Variants in CYB5D2 observed in about 807,000 individuals in gnomAD.
CYB5D2 encodes the protein neuferricin.
CYB5D2 carries 23 observed loss-of-function variants against 22.8 expected under a neutral mutation model. The observed-to-expected ratio is 1.01, with a 90% CI of 0.73 to 1.43. CYB5D2 has a LOEUF of 1.43. Among genes scored for constraint, CYB5D2 ranks in the 40% most tolerant of loss-of-function variants. CYB5D2 has a pLI of 0.00. For missense variants in CYB5D2, 373 were observed against 357.2 expected, an observed-to-expected ratio of 1.04 and a Z score of -0.36; for synonymous variants, 170 against 152.2, an observed-to-expected ratio of 1.12 and a Z score of -0.86.
chr17:4,143,409 C>T lies in CYB5D2; in HGVS notation c.-347C>T. On this transcript the variant is annotated 5_prime_UTR_variant, in exon 1 of 4. Transcript: ENST00000301391. ...GACGTGGGGGCGCGTGCCTGTAATC[C>T]CAGCTACTTGGGAGGCTGAGGCAGG... is the stretch of plus-strand genomic sequence containing the variant. 5.1e-6 allele frequency: 1 copy of T among 195,338 alleles called. No homozygotes were observed. Among genetic ancestry groups the T allele is most frequent in the South Asian group, 9.4e-5 (1 of 10,626 alleles). The allele number at this position is 195,338 out of a possible 1,614,324, so 12.1% of individuals were successfully genotyped here.
chr17:4,148,184 A>G (rs1237198038), intron 1 of CYB5D2, among the ~76,000 whole-genome samples: 2 of 152,026 alleles, frequency 1.3e-5, no homozygotes, highest in East Asian at 3.9e-4. Context: ...GCAGAAAATA[A>G]CAGGACTTGG....
Position 4,154,783 on chromosome 17 carries a change from AGAGAAGCAG to A in CYB5D2, c.502_510del (p.Glu168_Gln170del). The A allele has an allele frequency of 6.2e-7, 1 of 1,614,228 alleles. No individual in the cohort carries two copies. The highest frequency in any genetic ancestry group is 8.5e-7 in the Non-Finnish European group (1 of 1,180,044). On this transcript the variant is annotated inframe_deletion, in exon 3 of 4. Coordinates refer to ENST00000301391, the MANE Select transcript of CYB5D2 (RefSeq NM_144611.4). ...TGGAGGCCAACAAACTACAGCTGCAAGAGAAGCAGACATTCCCGCCGTGCAACGCGGAGT... is the reference window on the plus strand; with the variant it reads ...TGGAGGCCAACAAACTACAGCTGCAAACATTCCCGCCGTGCAACGCGGAGT...
rs186920254 is a variant in CYB5D2 at position 4,157,549 on chromosome 17, C to T, written c.*467C>T. 7 of 165,732 alleles carry T rather than the reference C, an allele frequency of 4.2e-5. No homozygotes were observed. Among genetic ancestry groups the T allele is most frequent in the East Asian group, 3.6e-4 (2 of 5,516 alleles). 10.3% of individuals were successfully genotyped at this position (165,732 alleles called of 1,614,324 possible). A position where few individuals can be genotyped will look rare whatever the true frequency, so the allele number is the denominator to read the frequency against. On this transcript the variant is annotated 3_prime_UTR_variant, in exon 4 of 4. Coordinates refer to ENST00000301391, the MANE Select transcript of CYB5D2 (RefSeq NM_144611.4). The surrounding 1 kb of genome is among the most constrained non-coding windows in gnomAD (Gnocchi z 4.4). ...TGAACAAAGCAACAATTTAAAGCAACGACATTTTCTGTCCTTTAAGCACTT... is the reference window on the plus strand; with the variant it reads ...TGAACAAAGCAACAATTTAAAGCAATGACATTTTCTGTCCTTTAAGCACTT...
intron 1 of CYB5D2, among the ~76,000 whole-genome samples, chr17:4,146,156 C>T (rs1021205005): frequency 1.3e-5 from 2 of 152,168 alleles, no homozygotes; most frequent in Non-Finnish European, 2.9e-5. Context: ...AGTGCGGTGG[C>T]GCAATCTTGG....
rs1048089677 is a variant in CYB5D2 at position 4,150,028 on chromosome 17, G to T, written c.388G>T (p.Val130Phe). The T allele has an allele frequency of 9.3e-6, 15 of 1,613,976 alleles. No homozygotes were observed. The highest frequency in any genetic ancestry group is 1.7e-4 in the Middle Eastern group (1 of 5,936). ...LSFYEKNYVC[V>F]GRVTGRFYGE... Reference sequence around the variant, plus strand: ...ATTCTATGAGAAGAATTATGTGTGTGTTGGTAAGTCGTCCATAGGTCATAC... The same window carrying T: ...ATTCTATGAGAAGAATTATGTGTGTTTTGGTAAGTCGTCCATAGGTCATAC... The change falls in exon 2 of 4, where the codon GTT (valine) becomes TTT (phenylalanine). Residue 130 changes from valine (V) to phenylalanine (F), a missense_variant. Coordinates refer to ENST00000301391, the MANE Select transcript of CYB5D2 (RefSeq NM_144611.4).
Position 4,143,877 on chromosome 17 carries a change from A to C in CYB5D2, c.122A>C (p.Glu41Ala), listed in dbSNP as rs1226185247. The change falls in exon 1 of 4, where the codon GAG becomes GCG. Residue 41 changes from glutamate (E) to alanine (A), a missense_variant. Glu to Ala is a moderately radical substitution (Grantham distance 107). Coordinates refer to ENST00000301391, the MANE Select transcript of CYB5D2 (RefSeq NM_144611.4). ...GCTGGCTTTCGCCTTTTCATACCGG[A>C]GGAGCTGTCTCGCTACCGCGGCGGC... is the stretch of plus-strand genomic sequence containing the variant. ...PRAGFRLFIPEELSRYRGGPG... is the reference protein window; with the variant it reads ...PRAGFRLFIPAELSRYRGGPG... The C allele has an allele frequency of 1.2e-6, 2 of 1,613,950 alleles. No homozygotes were observed. Among genetic ancestry groups the C allele is most frequent in the Non-Finnish European group, 1.7e-6 (2 of 1,179,992 alleles).
At chr17:4,147,945 T>C (rs766491879) in intron 1 of CYB5D2, among the ~76,000 whole-genome samples, 3 of 152,190 alleles carry the variant, frequency 2.0e-5, no homozygotes, top group Non-Finnish European at 4.4e-5. Flanking sequence ...GACATTCTCA[T>C]AGAACAGAGG....
chr17:4,157,437 A>G lies in CYB5D2; in HGVS notation c.*355A>G, dbSNP rs2059124184. On this transcript the variant is annotated 3_prime_UTR_variant, in exon 4 of 4. Coordinates refer to ENST00000301391, the MANE Select transcript of CYB5D2 (RefSeq NM_144611.4). The surrounding 1 kb of genome is among the most constrained non-coding windows in gnomAD (Gnocchi z 4.4). ...GAGTTGATTACAGCTGGGCCAATAC[A>G]GTACGAGGCAATAACAAATTAGTGT... 1 of 307,064 alleles carries G rather than the reference A, an allele frequency of 3.3e-6. No individual in the cohort carries two copies. Among genetic ancestry groups the G allele is most frequent in the African/African-American group, 2.1e-5 (1 of 46,578 alleles). The allele number at this position is 307,064 out of a possible 1,614,324, so 19.0% of individuals were successfully genotyped here. A position where few individuals can be genotyped will look rare whatever the true frequency, so the allele number is the denominator to read the frequency against.
chr17:4,149,423 G>A (rs952133260), intron 1 of CYB5D2, among the ~76,000 whole-genome samples: 18 of 152,248 alleles, frequency 1.2e-4, no homozygotes, highest in African/African-American at 4.3e-4. Context: ...GTGTGTCCAA[G>A]GTCTAGGAGC....
intron 1 of CYB5D2, among the ~76,000 whole-genome samples, chr17:4,146,239 G>A (rs776216469): frequency 2.6e-5 from 4 of 151,618 alleles, no homozygotes; most frequent in Non-Finnish European, 4.4e-5. Context: ...GATTACAGGC[G>A]TGTGCCACCA....
chr17:4,150,165 C>A, intron 2 of CYB5D2, 134 bp downstream of exon 2: 1 of 1,197,144 alleles, frequency 8.4e-7, no homozygotes, highest in Non-Finnish European at 1.2e-6. Context: ...AAATTCTGGT[C>A]GTTAGAATAG....
chr17:4,154,610 T>G, intron 2 of CYB5D2, 64 bp from the exon 3 acceptor site: 3 of 1,553,322 alleles, frequency 1.9e-6, no homozygotes, highest in Non-Finnish European at 2.6e-6. Flanking sequence ...ACTTGTGCCT[T>G]CCCACACCTG....
At chr17:4,156,317 G>A (rs1158192903) in intron 3 of CYB5D2, among the ~76,000 whole-genome samples, 3 of 152,262 alleles carry the variant, frequency 2.0e-5, no homozygotes, top group Non-Finnish European at 4.4e-5. Flanking sequence ...ATCAAGGACT[G>A]GACCTGTGGG....
intron 1 of CYB5D2, among the ~76,000 whole-genome samples, chr17:4,144,318 TG>T (rs2058952346): frequency 1.4e-5 from 2 of 143,802 alleles, no homozygotes; most frequent in South Asian, 2.2e-4. Flanking sequence ...CGGACTTTTG[TG>T]GGGGCTCTTA....
chr17:4,147,254 C>G (rs7220107), intron 1 of CYB5D2, among the ~76,000 whole-genome samples: 138,289 of 152,040 alleles, frequency 0.91, 64,368 homozygotes, highest in Non-Finnish European at 1. Context: ...CTGGGCGATA[C>G]AGCGAGACTC....
At chr17:4,154,479 G>C (rs2059090783) in intron 2 of CYB5D2, among the ~76,000 whole-genome samples, 195 bp from the exon 3 acceptor site, 1 of 152,222 alleles carries the variant, frequency 6.6e-6, no homozygotes, top group African/African-American at 2.4e-5. Flanking sequence ...CTAGAAGAGG[G>C]ATGCAGCTGT....
At chr17:4,155,029 A>G (rs930126092) in intron 3 of CYB5D2, among the ~76,000 whole-genome samples, 169 bp downstream of exon 3, 1 of 152,218 alleles carries the variant, frequency 6.6e-6, no homozygotes, top group African/African-American at 2.4e-5. Flanking sequence ...CTTCTGGGGA[A>G]TTGCCGAAAT....
At chr17:4,145,328 A>C (rs1691454099) in intron 1 of CYB5D2, among the ~76,000 whole-genome samples, 1 of 152,224 alleles carries the variant, frequency 6.6e-6, no homozygotes, top group African/African-American at 2.4e-5. Context: ...AAAAGGAATG[A>C]AGTCCAGTTG....
At chr17:4,153,106 T>C (rs1458578855) in intron 2 of CYB5D2, among the ~76,000 whole-genome samples, 1 of 152,100 alleles carries the variant, frequency 6.6e-6, no homozygotes, top group African/African-American at 2.4e-5. Flanking sequence ...TGCGCCTCAC[T>C]AGTAGAGAGA....
Sources: gnomAD v4.1 joint callset for allele counts (sites outside exome capture counted in the v4.1 genomes callset) on GRCh38, gnomAD v4.1.1 for gene constraint, Gnocchi (gnomAD v3.1) non-coding constraint, MANE v1.5 for transcripts, NCBI Gene and HGNC (gene_info 2026-07-23, HGNC 2026-07-21) for gene names.